Variants in BRIP1 observed in about 807,000 individuals in gnomAD.
BRIP1 encodes Fanconi anemia group J protein.
Under a neutral mutation model 119.7 loss-of-function variants are expected in BRIP1, and 88 were observed. The ratio of observed to expected loss-of-function variants is 0.74; its 90% CI spans 0.62 to 0.88. The LOEUF (loss-of-function observed/expected upper bound fraction) is 0.88, where lower values mean the gene tolerates loss of function less well. Among genes scored for constraint, BRIP1 ranks in the 40% least tolerant of loss-of-function variants. BRIP1 has a pLI of 0.00. For missense variants in BRIP1, 1,259 were observed against 1,455.4 expected, an observed-to-expected ratio of 0.87 and a Z score of 2.20; for synonymous variants, 443 against 496.5, an observed-to-expected ratio of 0.89 and a Z score of 1.43.
At position 61,744,479 on chromosome 17, in the gene BRIP1, T is replaced by C. The variant is rs755361298; in HGVS notation, c.2210A>G (p.Glu737Gly). The C allele has an allele frequency of 6.2e-7, 1 of 1,613,976 alleles. No homozygotes were observed. The highest frequency in any genetic ancestry group is 8.5e-7 in the Non-Finnish European group (1 of 1,179,892). ...PQGGEKTNFD[E>G]LLQVYYDAIK... ...TGCGTCATAGTACACCTGCAGTAATTCATCAAAATTTGTTTTTTCTCCTCC... is the reference window on the plus strand; with the variant it reads ...TGCGTCATAGTACACCTGCAGTAATCCATCAAAATTTGTTTTTTCTCCTCC... The change falls in exon 15 of 20, where the codon GAA (glutamate) becomes GGA (glycine). Residue 737 changes from glutamate to glycine, a missense_variant. Glu to Gly is a moderately conservative substitution (Grantham distance 98). Transcript: ENST00000259008. The surrounding 1 kb of genome is among the most constrained non-coding windows in gnomAD (Gnocchi z 5.0).
rs571471772 is a variant in BRIP1 at position 61,682,394 on chromosome 17, T to C, written c.*902A>G. ...CACAATGATGGTGAAGCTAAATAAT[T>C]AGAATAGAAAATTTGGAATACTTCA... On this transcript the variant is annotated 3_prime_UTR_variant, in exon 20 of 20. Transcript: ENST00000259008. This position sits in a 1 kb window ranked among gnomAD's most constrained non-coding sequence, Gnocchi z 4.9. 3.9e-5 allele frequency: 8 copies of C among 205,260 alleles called. No individual in the cohort carries two copies. In the Admixed American group the frequency reaches 4.2e-4, roughly 11 times the overall value. The allele number at this position is 205,260 out of a possible 1,614,324, so 12.7% of individuals were successfully genotyped here.
chr17:61,847,219 A>C lies in BRIP1; in HGVS notation c.509T>G (p.Ile170Ser), dbSNP rs1265322103. ...RIRPLETTQQIRKRHCFGTEV... is the reference protein window; with the variant it reads ...RIRPLETTQQSRKRHCFGTEV... ...TGTTCCAAAGCAATGACGTTTTCTA[A>C]TCTGTAAACACAGAACCAAAATGAA... The change falls in exon 6 of 20, where the codon ATT (isoleucine) becomes AGT (serine). Residue 170 changes from isoleucine to serine, a missense_variant and splice_region_variant. Physicochemically the swap from Ile to Ser is moderately radical, Grantham distance 142. Around this residue, in one of 3 missense-constraint regions of BRIP1, gnomAD observed 501 missense variants for 544.0 expected, o/e 0.92. Transcript: ENST00000259008. 3 of 1,613,710 alleles carry C rather than the reference A, an allele frequency of 1.9e-6. No homozygotes were observed. The highest frequency in any genetic ancestry group is 2.5e-6 in the Non-Finnish European group (3 of 1,179,822).
intron 6 of BRIP1, 43 bp downstream of exon 6, chr17:61,847,058 A>C (rs370591395): frequency 3.1e-6 from 5 of 1,611,506 alleles, no homozygotes; most frequent in Admixed American, 1.7e-5. Context: ...AGAAAATTCC[A>C]TATCTTCCTT....
rs547392845 is a variant in BRIP1, at chr17:61,762,927, C to T, written c.2097+13474G>A. 2.0e-5 allele frequency among the ~76,000 whole-genome samples: 3 copies of T among 152,206 alleles called. No homozygotes were observed. In the South Asian group the frequency reaches 6.2e-4, roughly 32 times the overall value. ...TGCAGAAGAAATATCTACACTCCCT[C>T]GTTCACTGTAGCATTGTTCATTTGG... On this transcript the variant is annotated intron_variant, in intron 14 of 19. Coordinates refer to ENST00000259008, the MANE Select transcript of BRIP1 (RefSeq NM_032043.3). The surrounding 1 kb of genome is among the most constrained non-coding windows in gnomAD (Gnocchi z 4.3).
Position 61,831,719 on chromosome 17 carries a change from C to T in BRIP1, c.627+15382G>A, listed in dbSNP as rs536817494. On this transcript the variant is annotated intron_variant, in intron 6 of 19. Transcript: ENST00000259008. This position sits in a 1 kb window ranked among gnomAD's most constrained non-coding sequence, Gnocchi z 4.1. ...ACACTGGTGTACAAGTATCTGAGTA[C>T]CTGCTTTCAATTCTTTTGGATATTT... 2.0e-4 allele frequency among the ~76,000 whole-genome samples: 31 copies of T among 152,246 alleles called. No individual in the cohort carries two copies. Among genetic ancestry groups the T allele is most frequent in the Middle Eastern group, 3.4e-3 (1 of 294 alleles).
In BRIP1 at chr17:61,794,310, A is replaced by G. The variant is rs1054453453; in HGVS notation, c.1341-581T>C. On this transcript the variant is annotated intron_variant, in intron 9 of 19. Coordinates refer to ENST00000259008, the MANE Select transcript of BRIP1 (RefSeq NM_032043.3). The surrounding 1 kb of genome is among the most constrained non-coding windows in gnomAD (Gnocchi z 4.3). ...AAAGGGAGACAGGAATAAACATCAA[A>G]ACAAATACATAAACAAGAAAATGTC... Among the ~76,000 whole-genome samples the G allele has an allele frequency of 6.6e-5, 10 of 152,146 alleles. No individual in the cohort carries two copies. Among genetic ancestry groups the G allele is most frequent in the Non-Finnish European group, 1.2e-4 (8 of 68,012 alleles).
chr17:61,692,212 C>G (rs1481610264), intron 18 of BRIP1, among the ~76,000 whole-genome samples: 1 of 152,208 alleles, frequency 6.6e-6, no homozygotes, highest in Admixed American at 6.5e-5. Context: ...CCAAATAAAT[C>G]TCTTATCTTT....
chr17:61,764,095 A>G (rs558114861), intron 14 of BRIP1, among the ~76,000 whole-genome samples: 1 of 152,330 alleles, frequency 6.6e-6, no homozygotes, highest in East Asian at 1.9e-4. Flanking sequence ...AATAAAATAC[A>G]TTGTAGCTCA....
At chr17:61,790,925 C>T (rs1349646947) in intron 10 of BRIP1, among the ~76,000 whole-genome samples, 1 of 151,974 alleles carries the variant, frequency 6.6e-6, no homozygotes, top group Non-Finnish European at 1.5e-5. Context: ...CACCCTCAGC[C>T]CCATTTTACT....
chr17:61,836,217 T>C (rs1000084639), intron 6 of BRIP1, among the ~76,000 whole-genome samples: 2 of 146,708 alleles, frequency 1.4e-5, no homozygotes, highest in African/African-American at 5.0e-5. Context: ...GCTCAAGCAA[T>C]CCTCCTGCCT....
chr17:61,737,569 C>G (rs564239577), intron 16 of BRIP1, among the ~76,000 whole-genome samples: 2 of 152,230 alleles, frequency 1.3e-5, no homozygotes, highest in Non-Finnish European at 2.9e-5. Context: ...TTAAACTTAA[C>G]TTTTATATTC....
intron 4 of BRIP1, among the ~76,000 whole-genome samples, chr17:61,850,432 T>C (rs2078802231): frequency 6.6e-6 from 1 of 151,606 alleles, no homozygotes; most frequent in Non-Finnish European, 1.5e-5. Flanking sequence ...GTCTAACCCA[T>C]GGCCAGACAC....
At position 61,713,514 on chromosome 17, in the gene BRIP1, T is replaced by C. The variant is rs1322435534; in HGVS notation, c.2492+2437A>G. Among the ~76,000 whole-genome samples, 1 of 151,888 alleles carries C rather than the reference T, an allele frequency of 6.6e-6. No homozygotes were observed. Among genetic ancestry groups the C allele is most frequent in the Non-Finnish European group, 1.5e-5 (1 of 67,948 alleles). On this transcript the variant is annotated intron_variant, in intron 17 of 19. Coordinates refer to ENST00000259008, the MANE Select transcript of BRIP1 (RefSeq NM_032043.3). This position sits in a 1 kb window ranked among gnomAD's most constrained non-coding sequence, Gnocchi z 4.9. ...TAGGCCTAGGATACTACATGAGTGTTTATGTCTTCATTTTTTTTTTTTTTT... is the reference window on the plus strand; with the variant it reads ...TAGGCCTAGGATACTACATGAGTGTCTATGTCTTCATTTTTTTTTTTTTTT...
chr17:61,728,357 G>C (rs2076798672), intron 16 of BRIP1, among the ~76,000 whole-genome samples: 1 of 148,412 alleles, frequency 6.7e-6, no homozygotes, highest in Admixed American at 6.7e-5. Context: ...TCCCTCACCT[G>C]TCAGAGAAAC....
intron 10 of BRIP1, among the ~76,000 whole-genome samples, chr17:61,792,492 G>A (rs978177378): frequency 2.0e-5 from 3 of 152,156 alleles, no homozygotes; most frequent in Non-Finnish European, 2.9e-5. Context: ...GCTATAAGAA[G>A]AAATGAGCTA....
rs2144611602 is a variant in BRIP1 at position 61,735,715 on chromosome 17, C to T, written c.2379+7298G>A. Among the ~76,000 whole-genome samples, 1 of 152,012 alleles carries T rather than the reference C, an allele frequency of 6.6e-6. No homozygotes were observed. On this transcript the variant is annotated intron_variant, in intron 16 of 19. Coordinates refer to ENST00000259008, the MANE Select transcript of BRIP1 (RefSeq NM_032043.3). The surrounding 1 kb of genome is among the most constrained non-coding windows in gnomAD (Gnocchi z 4.4). Reference sequence around the variant, plus strand: ...ACCCAGGAGGCTGAGGTGGGAGGATCACCTGAGCCCGAGAGGCCAAGGCTG... The same window carrying T: ...ACCCAGGAGGCTGAGGTGGGAGGATTACCTGAGCCCGAGAGGCCAAGGCTG...
intron 10 of BRIP1, among the ~76,000 whole-genome samples, chr17:61,791,708 TG>T (rs2077820804): frequency 1.3e-5 from 2 of 151,404 alleles, no homozygotes; most frequent in Middle Eastern, 3.2e-3. Flanking sequence ...CCCTGCCCCA[TG>T]GAAGTACAGC....
In BRIP1 at chr17:61,842,029, T is replaced by C. The variant is rs2078665254; in HGVS notation, c.627+5072A>G. On this transcript the variant is annotated intron_variant, in intron 6 of 19. Transcript: ENST00000259008. The surrounding 1 kb of genome is among the most constrained non-coding windows in gnomAD (Gnocchi z 5.1). ...ATTCATAATAGACAAGGAGTTGGCA[T>C]CAACCTAAATGTCCATCAACAGATG... 6.6e-6 allele frequency among the ~76,000 whole-genome samples: 1 copy of C among 152,238 alleles called. No homozygotes were observed. Among genetic ancestry groups the C allele is most frequent in the South Asian group, 2.1e-4 (1 of 4,826 alleles).
In BRIP1 at chr17:61,724,172, A is replaced by G. The variant is rs1280874215; in HGVS notation, c.2380-8109T>C. ...AAGTAGAAATAAGATCCTCAATATC[A>G]AAGGCATTGATAATTAAGACTGAGG... On this transcript the variant is annotated intron_variant, in intron 16 of 19. Transcript: ENST00000259008. The surrounding 1 kb of genome is among the most constrained non-coding windows in gnomAD (Gnocchi z 5.1). Among the ~76,000 whole-genome samples the G allele has an allele frequency of 1.3e-5, 2 of 152,140 alleles. No individual in the cohort carries two copies. The highest frequency in any genetic ancestry group is 4.8e-5 in the African/African-American group (2 of 41,438).
Sources: gnomAD v4.1 joint callset for allele counts (sites outside exome capture counted in the v4.1 genomes callset) on GRCh38, gnomAD v4.1.1 for gene constraint, gnomAD v4.1.1 regional missense constraint, Gnocchi (gnomAD v3.1) non-coding constraint, MANE v1.5 for transcripts, NCBI Gene and HGNC (gene_info 2026-07-23, HGNC 2026-07-21) for gene names.